SLC44A2: variants seen among roughly 807,000 people sequenced by gnomAD.
The protein encoded by SLC44A2 is solute carrier family 44 member 2 (CTL2 blood group), also known as choline transporter-like protein 2.
SLC44A2 carries 57 observed loss-of-function variants against 90.8 expected under a neutral mutation model. The ratio of observed to expected loss-of-function variants is 0.63; its 90% CI spans 0.51 to 0.78. The LOEUF is 0.78. Among genes scored for constraint, SLC44A2 ranks in the 30% least tolerant of loss-of-function variants. The probability of loss-of-function intolerance (pLI) is 0.00; values close to 1 mark genes in which losing one functional copy is unlikely to be tolerated. For synonymous variants in SLC44A2, 355 were observed against 360.7 expected (o/e 0.98, Z 0.18); for missense variants, 794 against 919.7 (o/e 0.86, Z 1.77).
At chr19:10,613,676 G>A (rs765316473) in intron 1 of SLC44A2, among the ~76,000 whole-genome samples, 4 of 152,062 alleles carry the variant, frequency 2.6e-5, no homozygotes, top group African/African-American at 7.2e-5. Context: ...GTGAGACCCC[G>A]TCTCTTTAAG....
At chr19:10,625,766 G>C (rs2066926658) in intron 1 of SLC44A2, 96 bp downstream of exon 1, 11 of 1,091,704 alleles carry the variant, frequency 1.0e-5, no homozygotes, top group Non-Finnish European at 1.3e-5. Flanking sequence ...GGGGCTGGAG[G>C]GGGAGCGCAA....
At chr19:10,638,987 C>CG (rs751643286) in intron 20 of SLC44A2, among the ~76,000 whole-genome samples, 2 of 152,010 alleles carry the variant, frequency 1.3e-5, no homozygotes, top group Non-Finnish European at 2.9e-5. Flanking sequence ...TTAGTAGAGA[C>CG]GGGGTTTCTC....
intron 14 of SLC44A2, chr19:10,636,019 C>T (rs984621763): frequency 3.8e-5 from 14 of 368,330 alleles, no homozygotes; most frequent in African/African-American, 2.1e-4. Flanking sequence ...CCTCGTGATC[C>T]ACCTGCCTCT....
In SLC44A2 at chr19:10,639,387, G is replaced by A. The variant is rs191557543; in HGVS notation, c.1929+1072G>A. ...GCAAACTGGGACATGCCACGAGTAT[G>A]TCTGTATAGCACAGGGAACTGTTTG... is the stretch of plus-strand genomic sequence containing the variant. On this transcript the variant is annotated intron_variant, in intron 20 of 21. Transcript: ENST00000335757. 4.6e-5 allele frequency among the ~76,000 whole-genome samples: 7 copies of A among 152,196 alleles called. No individual in the cohort carries two copies. The East Asian group carries it at 1.4e-3, about 29-fold the overall frequency.
At chr19:10,612,254 C>T (rs1918324363) in intron 1 of SLC44A2, among the ~76,000 whole-genome samples, 1 of 151,992 alleles carries the variant, frequency 6.6e-6, no homozygotes, top group African/African-American at 2.4e-5. Context: ...TGCCTGTGGT[C>T]CCATCCACTA....
chr19:10,618,998 T>C (rs1260533201), intron 1 of SLC44A2, among the ~76,000 whole-genome samples: 2 of 138,306 alleles, frequency 1.4e-5, no homozygotes, highest in South Asian at 2.4e-4. Context: ...AGGGTCACAC[T>C]ATGTCACCCA....
At chr19:10,623,758 C>T (rs371987439), upstream of SLC44A2, among the ~76,000 whole-genome samples, 7 of 151,390 alleles carry the variant, frequency 4.6e-5, no homozygotes, top group South Asian at 2.1e-4. Context: ...GGCATAATCT[C>T]GGCTCACTGC....
At position 10,642,776 on chromosome 19, in the gene SLC44A2, T is replaced by G. The variant is rs555047721; in HGVS notation, c.2014+325T>G. The G allele has an allele frequency of 1.7e-5, 22 of 1,281,942 alleles. No homozygotes were observed. The Middle Eastern group carries it at 8.3e-4, about 48-fold the overall frequency. The allele number at this position is 1,281,942 out of a possible 1,614,324, so 79.4% of individuals were successfully genotyped here. On this transcript the variant is annotated intron_variant, in intron 21 of 21. Transcript: ENST00000335757. ...CTCTCCATCTGTTTTTTTTGTTTGTTTTTTTCTTCTCTCTTCCTCTCCTCC... is the reference window on the plus strand; with the variant it reads ...CTCTCCATCTGTTTTTTTTGTTTGTGTTTTTCTTCTCTCTTCCTCTCCTCC...
At chr19:10,628,155 C>A (rs1164195054) in intron 4 of SLC44A2, 151 bp downstream of exon 4, 11 of 707,468 alleles carry the variant, frequency 1.6e-5, no homozygotes, top group South Asian at 5.1e-5. Flanking sequence ...GAGGCCGAGG[C>A]AGGAATATTG....
intron 1 of SLC44A2, among the ~76,000 whole-genome samples, chr19:10,615,769 T>C (rs954576346): frequency 6.6e-6 from 1 of 152,100 alleles, no homozygotes; most frequent in African/African-American, 2.4e-5. Context: ...ACAGCTTGGG[T>C]CTGCTGATTG....
chr19:10,625,452 G>T, upstream of SLC44A2: 2 of 1,214,674 alleles, frequency 1.6e-6, no homozygotes, highest in East Asian at 3.3e-5. Context: ...GCCCTCCCGG[G>T]TCCCTTAGTC....
chr19:10,633,973 A>ATTTTTTTTTTTT lies in SLC44A2; in HGVS notation c.824-779_824-768dup, dbSNP rs1406434263. Among the ~76,000 whole-genome samples the ATTTTTTTTTTTT allele has an allele frequency of 1.5e-4, 16 of 107,924 alleles. 1 individual carries two copies. Among genetic ancestry groups the ATTTTTTTTTTTT allele is most frequent in the East Asian group, 8.8e-4 (3 of 3,406 alleles). The allele number at this position is 107,924 out of a possible 152,430, so 70.8% of individuals were successfully genotyped here. ...ACCAACATGTAGAAACCCCATCTCT[A>ATTTTTTTTTTTT]TTTTTTTTTTTTTTTGAGACAGAGT... On this transcript the variant is annotated intron_variant, in intron 10 of 21. Coordinates refer to ENST00000335757, the MANE Select transcript of SLC44A2 (RefSeq NM_020428.4).
intron 1 of SLC44A2, among the ~76,000 whole-genome samples, chr19:10,610,432 C>T (rs942188479): frequency 3.7e-5 from 5 of 136,660 alleles, no homozygotes; most frequent in Admixed American, 7.4e-5. Flanking sequence ...CCCGGGTTCA[C>T]GCCATTCTCC....
chr19:10,611,522 G>A (rs1223422901), intron 1 of SLC44A2, among the ~76,000 whole-genome samples: 1 of 144,884 alleles, frequency 6.9e-6, no homozygotes, highest in Non-Finnish European at 1.5e-5. Flanking sequence ...AATCCCAGCT[G>A]TTTGTGAGGC....
intron 1 of SLC44A2, among the ~76,000 whole-genome samples, chr19:10,612,450 G>A (rs1258543579): frequency 1.3e-5 from 2 of 152,192 alleles, no homozygotes; most frequent in African/African-American, 4.8e-5. Context: ...CCAGCATACA[G>A]TAGGCGCTCT....
At chr19:10,621,358 G>GA (rs369071696), upstream of SLC44A2, among the ~76,000 whole-genome samples, 79 of 84,278 alleles carry the variant, frequency 9.4e-4, no homozygotes, top group Middle Eastern at 6.2e-3. Flanking sequence ...CCTCAAAAAA[G>GA]AAAAAAAAAA....
chr19:10,638,030 G>A lies in SLC44A2; in HGVS notation c.1777G>A (p.Val593Ile), dbSNP rs1200376808. Residue 593 changes from valine to isoleucine, a missense_variant, in exon 19 of 22, where the codon GTC becomes ATC. By Grantham distance (29) the Val-to-Ile change is conservative (BLOSUM62 3). Around this residue, in one of 3 missense-constraint regions of SLC44A2, gnomAD observed 738 missense variants for 841.1 expected, o/e 0.88. Transcript: ENST00000335757. Reference protein sequence around the residue: ...LLMRNIIRVAVLDKVTDFLFL... With the variant: ...LLMRNIIRVAILDKVTDFLFL... ...CCTCACTGTCCCCTGCAGAGTGGCT[G>A]TCCTGGATAAAGTTACTGACTTCCT... is the stretch of plus-strand genomic sequence containing the variant. 1.2e-6 allele frequency: 2 copies of A among 1,614,034 alleles called. No homozygotes were observed.
intron 16 of SLC44A2, chr19:10,637,005 G>C: frequency 1.9e-6 from 1 of 513,662 alleles, no homozygotes; most frequent in Non-Finnish European, 3.5e-6. Flanking sequence ...CCCACCATTG[G>C]TTATTACCAG....
At chr19:10,633,419 CA>C (rs953593672) in intron 10 of SLC44A2, among the ~76,000 whole-genome samples, 15 of 151,874 alleles carry the variant, frequency 9.9e-5, no homozygotes, top group African/African-American at 3.6e-4. Flanking sequence ...CTCGACCTCC[CA>C]AAGTGCTGGG....
Sources: allele counts gnomAD v4.1 joint callset (sites outside exome capture counted in the v4.1 genomes callset), GRCh38; gene constraint gnomAD v4.1.1; regional missense constraint gnomAD v4.1.1; transcripts MANE v1.5; gene names NCBI Gene and HGNC (gene_info 2026-07-23, HGNC 2026-07-21).